PACRG: variants seen among roughly 807,000 people sequenced by gnomAD.
PACRG encodes the protein parkin coregulated gene protein.
PACRG carries 29 observed loss-of-function variants against 29.7 expected under a neutral mutation model. The observed-to-expected ratio is 0.98, with a 90% confidence interval of 0.73 to 1.33. The LOEUF is 1.33. Among genes scored for constraint, PACRG ranks in the 40% most tolerant of loss-of-function variants. PACRG has a pLI of 0.00. For synonymous variants in PACRG, 116 were observed against 118.7 expected (o/e 0.98, Z 0.15); for missense variants, 279 against 316.2 (o/e 0.88, Z 0.89).
chr6:162,843,401 G>C (rs1362670746), intron 2 of PACRG, among the ~76,000 whole-genome samples: 2 of 149,940 alleles, frequency 1.3e-5, no homozygotes, highest in Non-Finnish European at 3.0e-5. Context: ...GGCTCCTGAG[G>C]CTTCTGCATT....
intron 2 of PACRG, among the ~76,000 whole-genome samples, chr6:162,984,044 G>A (rs1304163380): frequency 6.6e-6 from 1 of 151,454 alleles, no homozygotes; most frequent in Non-Finnish European, 1.5e-5. Flanking sequence ...ATTTCAATAG[G>A]TTTTTGGGAA....
chr6:162,818,231 GA>G (rs1787524455), intron 2 of PACRG, among the ~76,000 whole-genome samples: 1 of 152,190 alleles, frequency 6.6e-6, no homozygotes, highest in Non-Finnish European at 1.5e-5. Context: ...CAACAAGTGA[GA>G]AAAGAGCTAA....
chr6:163,112,184 T>C, intron 4 of PACRG: 1 of 294,806 alleles, frequency 3.4e-6, no homozygotes, highest in Non-Finnish European at 5.0e-6. Context: ...TGGAACTTTT[T>C]TTGAAGTCTG....
At chr6:162,737,291 T>A (rs934794154) in intron 1 of PACRG, among the ~76,000 whole-genome samples, 1 of 152,158 alleles carries the variant, frequency 6.6e-6, no homozygotes, top group Non-Finnish European at 1.5e-5. Context: ...GTTGCAAACA[T>A]CTAAGGCTGT....
At chr6:163,101,313 T>G (rs1352182622) in intron 4 of PACRG, 5 of 983,070 alleles carry the variant, frequency 5.1e-6, no homozygotes, top group Non-Finnish European at 6.0e-6. Flanking sequence ...TCCCACTATT[T>G]TAAGCTTTGT....
intron 4 of PACRG, among the ~76,000 whole-genome samples, chr6:163,092,034 T>C (rs73786955): frequency 0.026 from 3,916 of 152,304 alleles, 178 homozygotes; most frequent in African/African-American, 0.089. Context: ...AATCAATGTC[T>C]TGTTAAACTC....
chr6:163,033,614 A>G (rs1297974232), intron 2 of PACRG, among the ~76,000 whole-genome samples: 5 of 152,234 alleles, frequency 3.3e-5, no homozygotes, highest in Non-Finnish European at 5.9e-5. Context: ...TAAACCAATT[A>G]ATTAAAGCTC....
intron 4 of PACRG, among the ~76,000 whole-genome samples, chr6:163,288,441 G>A (rs1784471502): frequency 6.6e-6 from 1 of 152,152 alleles, no homozygotes; most frequent in Admixed American, 6.5e-5. Flanking sequence ...TTCCTCATCT[G>A]AAAAACAGGA....
chr6:162,954,308 A>T (rs1187105410), intron 2 of PACRG, among the ~76,000 whole-genome samples: 1 of 152,204 alleles, frequency 6.6e-6, no homozygotes, highest in Non-Finnish European at 1.5e-5. Context: ...GAAAATAATG[A>T]AGCAGGTGTT....
At chr6:163,180,869 G>C (rs1403805637) in intron 4 of PACRG, among the ~76,000 whole-genome samples, 1 of 152,198 alleles carries the variant, frequency 6.6e-6, no homozygotes, top group Non-Finnish European at 1.5e-5. Context: ...GAGTCACCAG[G>C]CACCGAGCGT....
At chr6:163,120,856 T>C (rs1446154772) in intron 4 of PACRG, among the ~76,000 whole-genome samples, 1 of 152,162 alleles carries the variant, frequency 6.6e-6, no homozygotes, top group East Asian at 1.9e-4. Context: ...GGCCCTCCCA[T>C]GCCTGGCCTC....
At chr6:163,112,160 C>A in intron 4 of PACRG, 1 of 470,528 alleles carries the variant, frequency 2.1e-6, no homozygotes. Flanking sequence ...ATTGCATTGA[C>A]AGAATCTGTC....
At chr6:163,241,165 A>C (rs1198457630) in intron 4 of PACRG, among the ~76,000 whole-genome samples, 1 of 152,194 alleles carries the variant, frequency 6.6e-6, no homozygotes, top group Non-Finnish European at 1.5e-5. Context: ...ATTACCTGAG[A>C]GAGGGGAAGA....
intron 2 of PACRG, among the ~76,000 whole-genome samples, chr6:162,854,153 C>T (rs1253008782): frequency 8.1e-6 from 1 of 123,486 alleles, no homozygotes; most frequent in Non-Finnish European, 1.7e-5. Flanking sequence ...GAGAAGGAGA[C>T]CATTTTCTTT....
At chr6:162,912,922 C>CA (rs67714057) in intron 2 of PACRG, among the ~76,000 whole-genome samples, 383 of 108,628 alleles carry the variant, frequency 3.5e-3, no homozygotes, top group South Asian at 5.3e-3. Flanking sequence ...AACAAACAAA[C>CA]AAAAAAAAAA....
intron 3 of PACRG, among the ~76,000 whole-genome samples, 160 bp from the exon 4 acceptor site, chr6:163,089,099 G>T (rs988700149): frequency 1.3e-5 from 2 of 152,154 alleles, no homozygotes; most frequent in African/African-American, 4.8e-5. Context: ...AAACATTAGG[G>T]TTGCAATGTG....
intron 4 of PACRG, among the ~76,000 whole-genome samples, chr6:163,226,476 A>G (rs917605578): frequency 6.6e-6 from 1 of 152,230 alleles, no homozygotes; most frequent in Non-Finnish European, 1.5e-5. Context: ...AAATGTATAT[A>G]GTTTTTATTT....
At chr6:162,823,137 A>C (rs1330760933) in intron 2 of PACRG, among the ~76,000 whole-genome samples, 8 of 152,192 alleles carry the variant, frequency 5.3e-5, no homozygotes, top group Admixed American at 5.2e-4. Flanking sequence ...ATGCTGAAAA[A>C]TTAAGACTAG....
chr6:163,095,707 G>C (rs993583525), intron 4 of PACRG, among the ~76,000 whole-genome samples: 7 of 152,090 alleles, frequency 4.6e-5, no homozygotes, highest in African/African-American at 1.7e-4. Flanking sequence ...GTCTGTCTGT[G>C]TCTCTTCTCT....
Sources: allele counts gnomAD v4.1 joint callset (sites outside exome capture counted in the v4.1 genomes callset), GRCh38; gene constraint gnomAD v4.1.1; transcripts MANE v1.5; gene names NCBI Gene and HGNC (gene_info 2026-07-23, HGNC 2026-07-21).